FOCAD: variants seen among roughly 807,000 people sequenced by gnomAD.
FOCAD encodes the protein focadhesin.
Under a neutral mutation model 225.6 loss-of-function variants are expected in FOCAD, and 198 were observed. That is an observed-to-expected ratio of 0.88 (90% CI 0.78 to 0.99). FOCAD has a LOEUF of 0.99. Among genes scored for constraint, FOCAD ranks in the 50% least tolerant of loss-of-function variants. The probability of loss-of-function intolerance (pLI) is 0.00; values close to 1 mark genes in which losing one functional copy is unlikely to be tolerated. For missense variants in FOCAD, 2,713 were observed against 2,123.6 expected, an observed-to-expected ratio of 1.28 and a Z score of -5.46; for synonymous variants, 897 against 755.0, an observed-to-expected ratio of 1.19 and a Z score of -3.08.
intron 34 of FOCAD, 46 bp from the exon 35 acceptor site, chr9:20,952,939 T>C: frequency 6.8e-7 from 1 of 1,463,332 alleles, no homozygotes. Context: ...CCTTCATTAG[T>C]CCTGCCAAGT....
chr9:20,812,816 A>T (rs1823231499), intron 11 of FOCAD, among the ~76,000 whole-genome samples: 1 of 152,134 alleles, frequency 6.6e-6, no homozygotes. Flanking sequence ...AAGCTAAATG[A>T]AGTTGATAAG....
intron 15 of FOCAD, among the ~76,000 whole-genome samples, chr9:20,847,621 CA>C (rs1827250053): frequency 1.3e-5 from 2 of 152,024 alleles, no homozygotes; most frequent in South Asian, 4.2e-4. Flanking sequence ...GGGCGATAAT[CA>C]TTCTTGGCAA....
Position 20,866,917 on chromosome 9 carries a change from T to TTTTTTTTTTTTTTTTTTG in FOCAD, c.2107-12_2107-11insTTTTTTTTTTTTTTTTTG. On this transcript the variant is annotated splice_polypyrimidine_tract_variant and intron_variant, in intron 17 of 43. Coordinates refer to ENST00000338382, the MANE Select transcript of FOCAD (RefSeq NM_001375567.1). ...TTTTTTTTTTTTTTTTTTTTTTTTT[T>TTTTTTTTTTTTTTTTTTG]ACCCTATCTAGGACCCAATTGTAGC... 2.6e-6 allele frequency: 2 copies of TTTTTTTTTTTTTTTTTTG among 764,972 alleles called. No individual in the cohort carries two copies. Among genetic ancestry groups the TTTTTTTTTTTTTTTTTTG allele is most frequent in the Admixed American group, 2.9e-5 (1 of 33,950 alleles). The allele number at this position is 764,972 out of a possible 1,614,324, so 47.4% of individuals were successfully genotyped here.
At chr9:20,916,617 C>CT (rs1246184113) in intron 23 of FOCAD, among the ~76,000 whole-genome samples, 19 of 152,328 alleles carry the variant, frequency 1.2e-4, no homozygotes, top group African/African-American at 4.6e-4. Flanking sequence ...ACCACGCTGT[C>CT]TGAGATAATA....
chr9:20,806,432 G>A (rs1211320102), intron 11 of FOCAD, among the ~76,000 whole-genome samples: 1 of 152,000 alleles, frequency 6.6e-6, no homozygotes, highest in East Asian at 1.9e-4. Context: ...AACTAATTTT[G>A]TAGGCGGCTT....
At chr9:20,828,434 T>C (rs1359051671) in intron 15 of FOCAD, among the ~76,000 whole-genome samples, 1 of 152,090 alleles carries the variant, frequency 6.6e-6, no homozygotes, top group African/African-American at 2.4e-5. Context: ...ATTTTCATTT[T>C]GGTAGGTAGA....
chr9:20,756,928 C>T (rs138173468), intron 5 of FOCAD, among the ~76,000 whole-genome samples: 352 of 152,232 alleles, frequency 2.3e-3, no homozygotes, highest in African/African-American at 7.9e-3. Context: ...TTACAATGAG[C>T]ATTTTAATGT....
chr9:20,797,789 C>G (rs546574937), intron 11 of FOCAD, among the ~76,000 whole-genome samples: 12 of 152,304 alleles, frequency 7.9e-5, no homozygotes, highest in Admixed American at 2.0e-4. Context: ...ATGCCATCTG[C>G]AAACAGGGAC....
chr9:20,979,283 C>A (rs1028674726), intron 37 of FOCAD, among the ~76,000 whole-genome samples: 1 of 152,040 alleles, frequency 6.6e-6, no homozygotes, highest in South Asian at 2.1e-4. Context: ...AGTGCAAAGC[C>A]CTCTTATCAT....
intron 6 of FOCAD, among the ~76,000 whole-genome samples, chr9:20,763,834 T>TA (rs1221352407): frequency 7.2e-5 from 11 of 152,300 alleles, no homozygotes; most frequent in Admixed American, 2.0e-4. Flanking sequence ...GACCATATTT[T>TA]TATTTTTGAT....
intron 11 of FOCAD, among the ~76,000 whole-genome samples, chr9:20,804,649 CA>C (rs1460667501): frequency 1.3e-5 from 2 of 152,120 alleles, no homozygotes; most frequent in Non-Finnish European, 2.9e-5. Context: ...AACCATGCTT[CA>C]GGGGGAAAAA....
chr9:20,867,008 A>T lies in FOCAD; in HGVS notation c.2186A>T (p.Glu729Val), dbSNP rs745602346. ...GAACACACCATTCTTCATCTGCCTGAAAAGGTAGGCATATCTGCTTTCTCA... is the reference window on the plus strand; with the variant it reads ...GAACACACCATTCTTCATCTGCCTGTAAAGGTAGGCATATCTGCTTTCTCA... ...AGEHTILHLP[E>V]KIRPEIPIPE... The change falls in exon 18 of 44, where the codon GAA (glutamate) becomes GTA (valine). Residue 729 changes from glutamate (E) to valine (V), a missense_variant. Glu to Val is a moderately radical substitution (Grantham distance 121). Transcript: ENST00000338382. 2 of 1,572,162 alleles carry T rather than the reference A, an allele frequency of 1.3e-6. No homozygotes were observed. Among genetic ancestry groups the T allele is most frequent in the East Asian group, 2.3e-5 (1 of 44,232 alleles).
chr9:20,870,545 A>C (rs1426193437), intron 18 of FOCAD, among the ~76,000 whole-genome samples: 1 of 152,214 alleles, frequency 6.6e-6, no homozygotes, highest in Non-Finnish European at 1.5e-5. Context: ...ATTAGGTAGA[A>C]ATGGTACTTC....
intron 15 of FOCAD, among the ~76,000 whole-genome samples, chr9:20,851,287 G>T (rs540686018): frequency 6.6e-6 from 1 of 150,580 alleles, no homozygotes. Context: ...TCCATCTAGC[G>T]TCTTTATCTG....
At chr9:20,851,009 G>T (rs77203044) in intron 15 of FOCAD, among the ~76,000 whole-genome samples, 10 of 151,248 alleles carry the variant, frequency 6.6e-5, no homozygotes, top group Non-Finnish European at 1.3e-4. Flanking sequence ...CATAGCAGTT[G>T]CTCAGTTCAC....
chr9:20,779,917 C>T (rs1354139869), intron 9 of FOCAD, among the ~76,000 whole-genome samples: 2 of 152,130 alleles, frequency 1.3e-5, no homozygotes, highest in Non-Finnish European at 2.9e-5. Flanking sequence ...GATTCCTACC[C>T]TGCATTTGGC....
At chr9:20,910,846 G>A (rs1266649764) in intron 22 of FOCAD, among the ~76,000 whole-genome samples, 1 of 152,030 alleles carries the variant, frequency 6.6e-6, no homozygotes, top group Non-Finnish European at 1.5e-5. Context: ...CAGAAAAGAG[G>A]ATAGAAAAGA....
chr9:20,750,795 CTT>C (rs1828470172), intron 5 of FOCAD, among the ~76,000 whole-genome samples: 1 of 151,830 alleles, frequency 6.6e-6, no homozygotes, highest in African/African-American at 2.4e-5. Flanking sequence ...TTTTTGAGGA[CTT>C]AGATTTTATT....
At chr9:20,964,808 A>G (rs1839110654) in intron 35 of FOCAD, among the ~76,000 whole-genome samples, 1 of 152,170 alleles carries the variant, frequency 6.6e-6, no homozygotes, top group African/African-American at 2.4e-5. Context: ...TGCTGGGATT[A>G]CAGGCGTGAG....
Sources: gnomAD v4.1 joint callset for allele counts (sites outside exome capture counted in the v4.1 genomes callset) on GRCh38, gnomAD v4.1.1 for gene constraint, MANE v1.5 for transcripts, NCBI Gene and HGNC (gene_info 2026-07-23, HGNC 2026-07-21) for gene names.